Variants in SMAD3 observed in about 807,000 individuals in gnomAD.
The protein encoded by SMAD3 is MAD homolog 3.
A neutral mutation model predicts 51.8 loss-of-function variants in SMAD3; 12 were observed. The ratio of observed to expected loss-of-function variants is 0.23; its 90% CI spans 0.15 to 0.38. The LOEUF (loss-of-function observed/expected upper bound fraction) is 0.38. Ranked by LOEUF, SMAD3 falls within the 10% of genes least tolerant of loss-of-function variation. The pLI, the probability that SMAD3 is intolerant of heterozygous loss-of-function variation, is 1.00. For missense variants in SMAD3, 294 were observed against 565.6 expected, an observed-to-expected ratio of 0.52 and a Z score of 4.87; for synonymous variants, 238 against 227.7, an observed-to-expected ratio of 1.05 and a Z score of -0.41.
At chr15:67,069,024 G>A (rs1189020845) in intron 1 of SMAD3, among the ~76,000 whole-genome samples, 1 of 152,158 alleles carries the variant, frequency 6.6e-6, no homozygotes, top group East Asian at 1.9e-4. Flanking sequence ...GGACTCCGGG[G>A]TTTAAGGAGC....
In SMAD3 at chr15:67,079,000, C is replaced by T. The variant is rs572674784; in HGVS notation, c.206+12640C>T. On this transcript the variant is annotated intron_variant, in intron 1 of 8. Transcript: ENST00000327367. ...ATATTATTATTTTTTTTTTTTGAGA[C>T]GGAGTTTCGCTCTTGTTGCCCAGGC... Among the ~76,000 whole-genome samples, 20 of 149,486 alleles carry T rather than the reference C, an allele frequency of 1.3e-4. 1 individual carries two copies. The South Asian group carries it at 4.0e-3, about 30-fold the overall frequency.
At chr15:67,123,758 A>G (rs975610119) in intron 1 of SMAD3, among the ~76,000 whole-genome samples, 13 of 152,180 alleles carry the variant, frequency 8.5e-5, no homozygotes, top group African/African-American at 3.1e-4. Context: ...GTTTTTCTGC[A>G]ACCCTTTGCC....
At chr15:67,106,309 A>G (rs114378510) in intron 1 of SMAD3, among the ~76,000 whole-genome samples, 1,580 of 151,942 alleles carry the variant, frequency 0.01, 28 homozygotes, top group African/African-American at 0.036. Context: ...TCAAATCTCA[A>G]CCTCTCAGGC....
chr15:67,165,309 C>T lies in SMAD3; in HGVS notation c.457C>T (p.Leu153=), dbSNP rs145380987. Residue 153 remains leucine, a synonymous_variant, in exon 3 of 9, where the codon CTG becomes TTG. Coordinates refer to ENST00000327367, the MANE Select transcript of SMAD3 (RefSeq NM_005902.4). ...HTEIPAEFPP[L]DDYSHSIPEN... ...AGAGATCCCGGCCGAGTTCCCCCCACTGGACGACTACAGCCATTCCATCCC... is the reference window on the plus strand; with the variant it reads ...AGAGATCCCGGCCGAGTTCCCCCCATTGGACGACTACAGCCATTCCATCCC... The T allele has an allele frequency of 1.5e-4, 247 of 1,614,240 alleles. No individual in the cohort carries two copies. The highest frequency in any genetic ancestry group is 1.3e-3 in the Middle Eastern group (8 of 6,062).
intron 1 of SMAD3, among the ~76,000 whole-genome samples, chr15:67,071,265 G>A (rs1960046713): frequency 1.3e-5 from 2 of 152,180 alleles, no homozygotes. Flanking sequence ...TTTGGTACAT[G>A]GGGATAGTTC....
chr15:67,176,923 T>C (rs888405697), intron 5 of SMAD3, among the ~76,000 whole-genome samples: 1 of 152,224 alleles, frequency 6.6e-6, no homozygotes, highest in African/African-American at 2.4e-5. Context: ...CGTGCCATCG[T>C]CTACCACCCC....
At chr15:67,080,478 GC>G (rs1960257325) in intron 1 of SMAD3, among the ~76,000 whole-genome samples, 1 of 152,140 alleles carries the variant, frequency 6.6e-6, no homozygotes, top group Non-Finnish European at 1.5e-5. Flanking sequence ...CCATCATCAG[GC>G]CCTGTCCCTT....
rs1375211503 is a variant in SMAD3 at position 67,181,410 on chromosome 15, T to C, written c.828T>C (p.Asn276=). 9 of 1,614,060 alleles carry C rather than the reference T, an allele frequency of 5.6e-6. No homozygotes were observed. The highest frequency in any genetic ancestry group is 5.0e-5 in the Admixed American group (3 of 60,028). Residue 276 remains asparagine (N), a synonymous_variant, in exon 6 of 9, where the codon AAT becomes AAC. Transcript: ENST00000327367. ...SERFCLGLLS[N]VNRNAAVELT... is the part of the protein sequence containing the mutation. ...GCTTCTGCCTAGGGCTGCTCTCCAA[T>C]GTCAACAGGAATGCAGCAGTGGAGC...
rs1021137877 is a variant in SMAD3, at chr15:67,104,558, C to T, written c.206+38198C>T. Among the ~76,000 whole-genome samples, 19 of 152,124 alleles carry T rather than the reference C, an allele frequency of 1.2e-4. 1 individual carries two copies. Among genetic ancestry groups the T allele is most frequent in the African/African-American group, 4.6e-4 (19 of 41,460 alleles). ...TGGCCCCCAGTAAGTGATAAATATT[C>T]GTACTAATTTGGGGCAGTGTCCTTT... On this transcript the variant is annotated intron_variant, in intron 1 of 8. Transcript: ENST00000327367.
At chr15:67,148,637 C>T (rs1962043310) in intron 1 of SMAD3, among the ~76,000 whole-genome samples, 1 of 152,166 alleles carries the variant, frequency 6.6e-6, no homozygotes, top group African/African-American at 2.4e-5. Context: ...CTCTCAAGAC[C>T]AGCTGATTGC....
intron 1 of SMAD3, among the ~76,000 whole-genome samples, chr15:67,142,202 C>A (rs1051387211): frequency 6.6e-6 from 1 of 150,446 alleles, no homozygotes; most frequent in Non-Finnish European, 1.5e-5. Context: ...TCCCCACACC[C>A]CCCCCACCAT....
chr15:67,078,001 C>T (rs1960207181), intron 1 of SMAD3: 1 of 152,310 alleles, frequency 6.6e-6, no homozygotes, highest in East Asian at 1.9e-4. Context: ...TCCTCTTACC[C>T]AGTGGCTGTT....
At chr15:67,132,813 C>G (rs997886140) in intron 1 of SMAD3, among the ~76,000 whole-genome samples, 1 of 152,162 alleles carries the variant, frequency 6.6e-6, no homozygotes, top group African/African-American at 2.4e-5. Flanking sequence ...CCGCACTCCC[C>G]ACTCATCACT....
At chr15:67,190,290 A>G (rs1023501885) in intron 8 of SMAD3, 123 bp from the exon 9 acceptor site, 6 of 901,536 alleles carry the variant, frequency 6.7e-6, no homozygotes, top group East Asian at 2.4e-5. Context: ...CGCTTCTAGG[A>G]CAGCGTCTAA....
chr15:67,100,829 A>G (rs916096495), intron 1 of SMAD3, among the ~76,000 whole-genome samples: 1 of 152,202 alleles, frequency 6.6e-6, no homozygotes, highest in African/African-American at 2.4e-5. Flanking sequence ...AGAGAGTGCT[A>G]GTGACTTGCT....
chr15:67,094,815 CA>C (rs11294920), intron 1 of SMAD3, among the ~76,000 whole-genome samples: 95,104 of 151,982 alleles, frequency 0.63, 30,182 homozygotes, highest in East Asian at 0.8. Flanking sequence ...CGTTTGGAGT[CA>C]AGAGTTGCAC....
chr15:67,156,074 G>A (rs141375950), intron 1 of SMAD3, among the ~76,000 whole-genome samples: 57 of 152,218 alleles, frequency 3.7e-4, no homozygotes, highest in Non-Finnish European at 6.6e-4. Flanking sequence ...GAGATGGGGA[G>A]GATATGAAAC....
At chr15:67,181,697 T>C (rs1258772765) in intron 6 of SMAD3, among the ~76,000 whole-genome samples, 1 of 151,900 alleles carries the variant, frequency 6.6e-6, no homozygotes, top group South Asian at 2.1e-4. Context: ...CTCAAAGATA[T>C]AATCTCAGAA....
intron 1 of SMAD3, among the ~76,000 whole-genome samples, chr15:67,093,706 G>T (rs1307911470): frequency 1.3e-5 from 2 of 152,244 alleles, no homozygotes; most frequent in East Asian, 1.9e-4. Flanking sequence ...CTGGGTCGGG[G>T]TGCCTGCTGA....
Sources: allele counts gnomAD v4.1 joint callset (sites outside exome capture counted in the v4.1 genomes callset), GRCh38; gene constraint gnomAD v4.1.1; transcripts MANE v1.5; gene names NCBI Gene and HGNC (gene_info 2026-07-23, HGNC 2026-07-21).